Variants in RHBDD1 observed in about 807,000 individuals in gnomAD.
The protein encoded by RHBDD1 is rhomboid-related protein 4.
A neutral mutation model predicts 36.3 loss-of-function variants in RHBDD1; 38 were observed. The ratio of observed to expected loss-of-function variants is 1.05; its 90% CI spans 0.81 to 1.37. The LOEUF is 1.37. RHBDD1 is among the 40% of genes most tolerant of loss of function. The pLI is 0.00. For missense variants in RHBDD1, 393 were observed against 377.6 expected, an observed-to-expected ratio of 1.04 and a Z score of -0.34; for synonymous variants, 151 against 136.5, an observed-to-expected ratio of 1.11 and a Z score of -0.74.
intron 3 of RHBDD1, among the ~76,000 whole-genome samples, chr2:226,858,148 C>T (rs1943513601): frequency 6.6e-6 from 1 of 152,188 alleles, no homozygotes; most frequent in South Asian, 2.1e-4. Flanking sequence ...TAAGAAGCCT[C>T]TTGCCAAATG....
intron 5 of RHBDD1, among the ~76,000 whole-genome samples, chr2:226,891,596 A>G (rs977479821): frequency 2.0e-5 from 3 of 152,284 alleles, no homozygotes; most frequent in Admixed American, 6.5e-5. Context: ...TTCTCTCCAC[A>G]TGGTGACAGA....
At chr2:226,907,327 T>C (rs1034358144) in intron 6 of RHBDD1, among the ~76,000 whole-genome samples, 2 of 152,198 alleles carry the variant, frequency 1.3e-5, no homozygotes, top group East Asian at 1.9e-4. Context: ...ACCGGGTCCT[T>C]GGTGGATGAG....
intron 6 of RHBDD1, chr2:226,908,078 GC>G (rs1948196837): frequency 6.6e-6 from 1 of 152,106 alleles, no homozygotes; most frequent in African/African-American, 2.4e-5. Flanking sequence ...AGTTTTAAAA[GC>G]CTTAAAAAAT....
At chr2:226,955,054 C>T (rs149436283) in intron 8 of RHBDD1, among the ~76,000 whole-genome samples, 4 of 152,030 alleles carry the variant, frequency 2.6e-5, no homozygotes, top group African/African-American at 9.6e-5. Context: ...AGCAGTGAGT[C>T]AGGCAGTAGA....
chr2:226,802,051 G>C, the RHBDD1 span, among the ~76,000 whole-genome samples: 1 of 150,752 alleles, frequency 6.6e-6, no homozygotes, highest in South Asian at 2.1e-4. Flanking sequence ...GCTAAATAAA[G>C]GTACTGTACC....
At chr2:226,894,810 A>G (rs1033127779) in intron 5 of RHBDD1, among the ~76,000 whole-genome samples, 5 of 152,192 alleles carry the variant, frequency 3.3e-5, no homozygotes, top group African/African-American at 1.2e-4. Flanking sequence ...AGACAAATCA[A>G]TGGACAGGGA....
chr2:226,818,152 A>ATTTTTTT, the RHBDD1 span, among the ~76,000 whole-genome samples: 13 of 86,238 alleles, frequency 1.5e-4, no homozygotes, highest in Non-Finnish European at 2.2e-4. Flanking sequence ...TCCAAACAGT[A>ATTTTTTT]TTTTTTTTTT....
intron 5 of RHBDD1, chr2:226,895,793 A>G: frequency 1.0e-6 from 1 of 985,402 alleles, no homozygotes; most frequent in Non-Finnish European, 1.2e-6. Flanking sequence ...TGTTCTTAAC[A>G]ACTCACCCCA....
At chr2:226,816,375 C>CAAAAAAAAAAAAAAAAAAAA in the RHBDD1 span, among the ~76,000 whole-genome samples, 5 of 64,938 alleles carry the variant, frequency 7.7e-5, no homozygotes, top group African/African-American at 1.4e-4. Flanking sequence ...GGAATGGTGG[C>CAAAAAAAAAAAAAAAAAAAA]AAAAAAAAAA....
intron 8 of RHBDD1, among the ~76,000 whole-genome samples, chr2:226,946,673 C>T (rs1447088881): frequency 6.6e-6 from 1 of 152,184 alleles, no homozygotes; most frequent in African/African-American, 2.4e-5. Flanking sequence ...ACTGATCCCA[C>T]AGATATACAG....
intron 8 of RHBDD1, among the ~76,000 whole-genome samples, chr2:226,970,746 T>C (rs115198282): frequency 0.021 from 3,262 of 152,338 alleles, 50 homozygotes; most frequent in Middle Eastern, 0.088. Flanking sequence ...TTGAGGACCA[T>C]TGTTTTTGTT....
chr2:226,929,625 C>G (rs1575137322), intron 8 of RHBDD1, among the ~76,000 whole-genome samples: 1 of 152,006 alleles, frequency 6.6e-6, no homozygotes, highest in South Asian at 2.1e-4. Context: ...CCACTCTATT[C>G]AACACATTAC....
intron 8 of RHBDD1, among the ~76,000 whole-genome samples, chr2:226,917,119 CATT>C (rs1273718439): frequency 1.3e-5 from 2 of 151,720 alleles, no homozygotes; most frequent in Admixed American, 6.6e-5. Context: ...TAATATAAGT[CATT>C]AATATTAATT....
intron 5 of RHBDD1, among the ~76,000 whole-genome samples, chr2:226,903,527 G>A (rs1236657211): frequency 6.6e-6 from 1 of 152,124 alleles, no homozygotes; most frequent in Admixed American, 6.6e-5. Flanking sequence ...CAGATAATGG[G>A]GGGTGACTAT....
chr2:226,883,783 A>G (rs945287600), intron 5 of RHBDD1, among the ~76,000 whole-genome samples: 13 of 152,220 alleles, frequency 8.5e-5, no homozygotes, highest in Admixed American at 6.5e-4. Flanking sequence ...GAAAAGGCCT[A>G]TGTCATGGGT....
At chr2:226,835,811 G>A (rs1407193264), upstream of RHBDD1, 1 of 152,314 alleles carries the variant, frequency 6.6e-6, no homozygotes, top group Non-Finnish European at 1.5e-5. Context: ...GAGCTTAGAG[G>A]ACAGGGCGAG....
the RHBDD1 span, among the ~76,000 whole-genome samples, chr2:226,806,277 G>T: frequency 1.3e-5 from 2 of 152,156 alleles, no homozygotes; most frequent in African/African-American, 4.8e-5. Flanking sequence ...CTACAAGTGG[G>T]CAGAGGGTTA....
the RHBDD1 span, chr2:226,804,853 T>A: frequency 6.6e-6 from 1 of 152,148 alleles, no homozygotes; most frequent in African/African-American, 2.4e-5. Flanking sequence ...ATAACTGATA[T>A]TTGTCTAAAA....
At chr2:226,972,075 C>T (rs888654742) in intron 8 of RHBDD1, among the ~76,000 whole-genome samples, 4 of 152,186 alleles carry the variant, frequency 2.6e-5, no homozygotes, top group Admixed American at 6.5e-5. Context: ...CTTTCCATCC[C>T]CTTGCCCCCT....
Sources: gnomAD v4.1 joint callset for allele counts (sites outside exome capture counted in the v4.1 genomes callset) on GRCh38, gnomAD v4.1.1 for gene constraint, MANE v1.5 for transcripts, NCBI Gene and HGNC (gene_info 2026-07-23, HGNC 2026-07-21) for gene names.